The following RANBP9 variants were observed in gnomAD, a reference collection of about 807,000 sequenced individuals.
RANBP9 encodes the protein RAN binding protein 9.
Under a neutral mutation model 84.3 loss-of-function variants are expected in RANBP9, and 15 were observed. The observed-to-expected ratio is 0.18, with a 90% CI of 0.12 to 0.27. The LOEUF is 0.27. Among genes scored for constraint, RANBP9 ranks in the 10% least tolerant of loss-of-function variants. The pLI is 1.00. For missense variants in RANBP9, 809 were observed against 912.8 expected, an observed-to-expected ratio of 0.89 and a Z score of 1.46; for synonymous variants, 392 against 349.6, an observed-to-expected ratio of 1.12 and a Z score of -1.35.
In RANBP9 at chr6:13,622,149, G is replaced by T; in HGVS notation, c.*213C>A. On this transcript the variant is annotated 3_prime_UTR_variant, in exon 14 of 14. Transcript: ENST00000011619. ...GAAATTCAGTAATATTTAACTCTTA[G>T]ACAACTAAGAGGTTAAAGATGGAAA... 1 of 354,854 alleles carries T rather than the reference G, an allele frequency of 2.8e-6. No homozygotes were observed. The highest frequency in any genetic ancestry group is 4.8e-6 in the Non-Finnish European group (1 of 209,586). 22.0% of individuals were successfully genotyped at this position (354,854 alleles called of 1,614,324 possible). A position where few individuals can be genotyped will look rare whatever the true frequency, so the allele number is the denominator to read the frequency against.
At chr6:13,632,543 A>C (rs751178292) in intron 11 of RANBP9, 22 bp from the exon 12 acceptor site, 1 of 1,597,982 alleles carries the variant, frequency 6.3e-7, no homozygotes, top group South Asian at 1.1e-5. Context: ...ACAGACAAGT[A>C]TTTTACTACC....
chr6:13,690,892 A>G (rs1766307255), intron 2 of RANBP9, among the ~76,000 whole-genome samples: 1 of 152,130 alleles, frequency 6.6e-6, no homozygotes, highest in Non-Finnish European at 1.5e-5. Context: ...AGGGCCAGGC[A>G]TGGTGGCTCA....
At chr6:13,693,824 T>C (rs1422642973) in intron 2 of RANBP9, among the ~76,000 whole-genome samples, 1 of 151,562 alleles carries the variant, frequency 6.6e-6, no homozygotes, top group East Asian at 1.9e-4. Context: ...AGGCGGATCA[T>C]TTGAGGTCAG....
intron 2 of RANBP9, among the ~76,000 whole-genome samples, chr6:13,686,477 G>A (rs2113340300): frequency 6.6e-6 from 1 of 151,720 alleles, no homozygotes; most frequent in Non-Finnish European, 1.5e-5. Flanking sequence ...TAGAGACAGG[G>A]TTTTACCATG....
At chr6:13,625,411 CAA>C (rs989171294) in intron 13 of RANBP9, among the ~76,000 whole-genome samples, 6 of 152,176 alleles carry the variant, frequency 3.9e-5, no homozygotes, top group African/African-American at 1.2e-4. Context: ...TACATGCACA[CAA>C]AAACTTCTAT....
intron 8 of RANBP9, 66 bp from the exon 9 acceptor site, chr6:13,639,819 G>T: frequency 7.6e-7 from 1 of 1,314,512 alleles, no homozygotes; most frequent in Non-Finnish European, 1.1e-6. Flanking sequence ...AATAGCAACA[G>T]ATTTCTAAAA....
intron 1 of RANBP9, among the ~76,000 whole-genome samples, chr6:13,701,605 A>T (rs146074893): frequency 7.9e-4 from 120 of 151,934 alleles, no homozygotes; most frequent in African/African-American, 2.8e-3. Flanking sequence ...CCCCATCTCC[A>T]CTAAAAATAC....
chr6:13,688,108 T>C (rs915714336), intron 2 of RANBP9, among the ~76,000 whole-genome samples: 2 of 152,238 alleles, frequency 1.3e-5, no homozygotes, highest in Admixed American at 1.3e-4. Context: ...AAGTGAGTTA[T>C]GTAATTTAGT....
chr6:13,677,537 C>G (rs902230330), intron 2 of RANBP9, among the ~76,000 whole-genome samples: 1 of 152,002 alleles, frequency 6.6e-6, no homozygotes, highest in Non-Finnish European at 1.5e-5. Context: ...TGCCAAATGG[C>G]ATTATGAATA....
At chr6:13,652,960 T>TA (rs1765327197) in intron 4 of RANBP9, among the ~76,000 whole-genome samples, 1 of 152,160 alleles carries the variant, frequency 6.6e-6, no homozygotes, top group Non-Finnish European at 1.5e-5. Context: ...TACTTTTAGA[T>TA]ATATCTTCAA....
chr6:13,708,909 G>A (rs1312197993), intron 1 of RANBP9, among the ~76,000 whole-genome samples: 1 of 151,890 alleles, frequency 6.6e-6, no homozygotes, highest in African/African-American at 2.4e-5. Flanking sequence ...TCTGACAAGG[G>A]GTAAGAGAGA....
At chr6:13,699,555 A>C (rs1757916933) in intron 1 of RANBP9, among the ~76,000 whole-genome samples, 1 of 152,188 alleles carries the variant, frequency 6.6e-6, no homozygotes, top group Non-Finnish European at 1.5e-5. Flanking sequence ...CCAAAATCTA[A>C]AATGTTTCAT....
chr6:13,709,987 G>C (rs183022829), intron 1 of RANBP9, among the ~76,000 whole-genome samples: 79 of 152,252 alleles, frequency 5.2e-4, no homozygotes, highest in African/African-American at 1.8e-3. Flanking sequence ...TGATACGTTA[G>C]GTTGATTTTT....
chr6:13,708,087 G>A (rs1272690245), intron 1 of RANBP9, among the ~76,000 whole-genome samples: 1 of 152,168 alleles, frequency 6.6e-6, no homozygotes, highest in Non-Finnish European at 1.5e-5. Context: ...GAACAATACT[G>A]CTTCCAAAAG....
chr6:13,698,666 G>A (rs187070698), intron 1 of RANBP9, among the ~76,000 whole-genome samples: 10 of 152,180 alleles, frequency 6.6e-5, no homozygotes, highest in South Asian at 2.1e-4. Flanking sequence ...ATTTAATACC[G>A]TGTGAAAGGC....
At chr6:13,702,635 G>A (rs1758003206) in intron 1 of RANBP9, among the ~76,000 whole-genome samples, 1 of 151,778 alleles carries the variant, frequency 6.6e-6, no homozygotes, top group African/African-American at 2.4e-5. Context: ...GATAATTTTG[G>A]TTATGTAGGA....
At position 13,711,755 on chromosome 6, in the gene RANBP9, G is replaced by A. The variant is rs1183509844; in HGVS notation, c.-250C>T. Among the ~76,000 whole-genome samples, 6 of 147,634 alleles carry A rather than the reference G, an allele frequency of 4.1e-5. No individual in the cohort carries two copies. Among genetic ancestry groups the A allele is most frequent in the Non-Finnish European group, 9.0e-5 (6 of 66,398 alleles). The stretch of plus-strand genomic sequence containing the variant: ...CGGGCGCGCGGCCCGGGGACGAGGC[G>A]CCGAGGGCGGGGGCGACGCGGGAGC... On this transcript the variant is annotated 5_prime_UTR_variant, in exon 1 of 14. Transcript: ENST00000011619.
chr6:13,689,406 G>A (rs1766272503), intron 2 of RANBP9, among the ~76,000 whole-genome samples: 1 of 151,680 alleles, frequency 6.6e-6, no homozygotes, highest in South Asian at 2.1e-4. Context: ...AAGTAGATGT[G>A]ACTACAGGCA....
rs758950108 is a variant in RANBP9 at position 13,639,779 on chromosome 6, T to TA, written c.1335-27dup. 1.5e-5 allele frequency: 23 copies of TA among 1,562,280 alleles called. No individual in the cohort carries two copies. The East Asian group carries it at 1.8e-4, about 12-fold the overall frequency. On this transcript the variant is annotated intron_variant, in intron 8 of 13. Coordinates refer to ENST00000011619, the MANE Select transcript of RANBP9 (RefSeq NM_005493.3). ...CTAAAGGAGAAAAGAAAAATTTACTTAGACACAATCTTCAAATGGCCTTTT... is the reference window on the plus strand; with the variant it reads ...CTAAAGGAGAAAAGAAAAATTTACTTAAGACACAATCTTCAAATGGCCTTTT...
Sources: allele counts gnomAD v4.1 joint callset (sites outside exome capture counted in the v4.1 genomes callset), GRCh38; gene constraint gnomAD v4.1.1; transcripts MANE v1.5; gene names NCBI Gene and HGNC (gene_info 2026-07-23, HGNC 2026-07-21).